The following RPS6KC1 variants were observed in gnomAD, a reference collection of about 807,000 sequenced individuals.
RPS6KC1 encodes ribosomal protein S6 kinase C1, also known as inactive ribosomal protein S6 kinase delta-1.
A neutral mutation model predicts 103.8 loss-of-function variants in RPS6KC1; 54 were observed. The ratio of observed to expected loss-of-function variants is 0.52; its 90% CI spans 0.42 to 0.65. The LOEUF (loss-of-function observed/expected upper bound fraction) is 0.65. Ranked by LOEUF, RPS6KC1 falls within the 30% of genes least tolerant of loss-of-function variation. RPS6KC1 has a pLI of 0.00. For missense variants in RPS6KC1, 1,151 were observed against 1,253.8 expected (o/e 0.92, Z 1.24); for synonymous variants, 439 against 438.7 (o/e 1.00, Z -0.01).
chr1:213,860,085 A>C, the RPS6KC1 span, among the ~76,000 whole-genome samples: 1 of 151,566 alleles, frequency 6.6e-6, no homozygotes, highest in Non-Finnish European at 1.5e-5. Context: ...CATAGAAAAA[A>C]GGTGTAAATA....
intron 2 of RPS6KC1, among the ~76,000 whole-genome samples, chr1:213,076,924 C>T (rs2079398544): frequency 6.6e-6 from 1 of 151,292 alleles, no homozygotes; most frequent in Non-Finnish European, 1.5e-5. Context: ...GGCTGGAGTG[C>T]AGTGGCACTG....
chr1:213,539,433 T>C, the RPS6KC1 span, among the ~76,000 whole-genome samples: 3 of 152,234 alleles, frequency 2.0e-5, no homozygotes, highest in South Asian at 6.2e-4. Context: ...GCAGTTTCTT[T>C]TTCATGAGCC....
the RPS6KC1 span, among the ~76,000 whole-genome samples, chr1:213,611,538 G>A: frequency 6.6e-6 from 1 of 152,134 alleles, no homozygotes; most frequent in Non-Finnish European, 1.5e-5. Context: ...AATGACAATA[G>A]GTGTTATCCA....
At chr1:213,602,116 CTTTCTCTTTCTTTCTTT>C in the RPS6KC1 span, among the ~76,000 whole-genome samples, 1 of 33,074 alleles carries the variant, frequency 3.0e-5, no homozygotes, top group Non-Finnish European at 5.6e-5. Flanking sequence ...TTCTTTCTTT[CTTTCTCTTTCTTTCTTT>C]CTTTCTTTCT....
At position 213,207,069 on chromosome 1, in the gene RPS6KC1, A is replaced by G. The variant is rs61045998; in HGVS notation, c.1045-23428A>G. Among the ~76,000 whole-genome samples the G allele has an allele frequency of 2.3e-3, 355 of 152,310 alleles. 2 individuals carry two copies. Among genetic ancestry groups the G allele is most frequent in the African/African-American group, 7.8e-3 (324 of 41,562 alleles). On this transcript the variant is annotated intron_variant, in intron 8 of 14. Transcript: ENST00000366960. ...GGTTGCAGTGAGCTGAGGTCACAACACTGCAATCCAGCCTGGGCATCAGAG... is the reference window on the plus strand; with the variant it reads ...GGTTGCAGTGAGCTGAGGTCACAACGCTGCAATCCAGCCTGGGCATCAGAG...
chr1:213,663,560 G>A, the RPS6KC1 span, among the ~76,000 whole-genome samples: 11 of 152,250 alleles, frequency 7.2e-5, no homozygotes, highest in African/African-American at 2.6e-4. Context: ...ATTTGCTAGG[G>A]CCACTGCAAA....
At chr1:213,275,267 T>C (rs1416080665), downstream of RPS6KC1, among the ~76,000 whole-genome samples, 1 of 152,244 alleles carries the variant, frequency 6.6e-6, no homozygotes, top group Non-Finnish European at 1.5e-5. Flanking sequence ...ATTATGAATA[T>C]TGATGTACAG....
At chr1:213,707,428 T>A in the RPS6KC1 span, among the ~76,000 whole-genome samples, 1 of 152,312 alleles carries the variant, frequency 6.6e-6, no homozygotes, top group Non-Finnish European at 1.5e-5. Context: ...TTTAAATTCC[T>A]TGTAGATTCT....
chr1:213,241,262 AG>A lies in RPS6KC1; in HGVS notation c.1787del (p.Ser596ThrfsTer8). On this transcript the variant is annotated frameshift_variant, in exon 11 of 15. Coordinates refer to ENST00000366960, the MANE Select transcript of RPS6KC1 (RefSeq NM_012424.6). LOFTEE classifies it high-confidence loss of function. ...AGATTCCCTCAGTAGATCAAAAAAT[AG>A]CCCCATGGAATTCTTTAGGATAGAC... The part of the protein sequence containing the change: ...TSDSLSRSKN[S>X]PMEFFRIDSK... The A allele has an allele frequency of 6.2e-7, 1 of 1,613,956 alleles. No individual in the cohort carries two copies.
the RPS6KC1 span, among the ~76,000 whole-genome samples, chr1:213,804,307 C>G: frequency 1.3e-5 from 2 of 151,918 alleles, no homozygotes; most frequent in East Asian, 3.9e-4. Context: ...GGTCAGAGGA[C>G]CTTCCAATCT....
At chr1:213,431,065 T>C in the RPS6KC1 span, among the ~76,000 whole-genome samples, 1 of 152,298 alleles carries the variant, frequency 6.6e-6, no homozygotes, top group African/African-American at 2.4e-5. Context: ...AAATTAGGTG[T>C]AAAGCCAGGA....
At chr1:213,279,216 T>C (rs989230715), downstream of RPS6KC1, among the ~76,000 whole-genome samples, 1 of 152,146 alleles carries the variant, frequency 6.6e-6, no homozygotes, top group East Asian at 1.9e-4. Flanking sequence ...GAAAGCAGTT[T>C]GGAGTTATTG....
chr1:213,244,858 G>A (rs1195050784), intron 12 of RPS6KC1, among the ~76,000 whole-genome samples: 1 of 152,198 alleles, frequency 6.6e-6, no homozygotes, highest in East Asian at 1.9e-4. Flanking sequence ...GTAGTCTGAA[G>A]AGGTGCTTTG....
intron 3 of RPS6KC1, among the ~76,000 whole-genome samples, chr1:213,096,880 T>C (rs1189643218): frequency 6.6e-6 from 1 of 152,176 alleles, no homozygotes; most frequent in Non-Finnish European, 1.5e-5. Context: ...AAGTGGCTTA[T>C]ATATATTATA....
At chr1:213,776,869 T>C in the RPS6KC1 span, among the ~76,000 whole-genome samples, 45 of 152,298 alleles carry the variant, frequency 3.0e-4, no homozygotes, top group African/African-American at 1.1e-3. Context: ...CTTGCTGTAG[T>C]TTTTACATCA....
the RPS6KC1 span, among the ~76,000 whole-genome samples, chr1:213,741,108 A>C: frequency 2.0e-5 from 3 of 149,908 alleles, no homozygotes; most frequent in African/African-American, 7.3e-5. Context: ...ACATAGGGGC[A>C]TTATCTTTTT....
At chr1:213,246,274 A>C (rs762965603) in intron 12 of RPS6KC1, among the ~76,000 whole-genome samples, 2 of 152,182 alleles carry the variant, frequency 1.3e-5, no homozygotes, top group African/African-American at 4.8e-5. Context: ...GGTTCCTTTC[A>C]TACCACAGAA....
chr1:213,174,641 G>A (rs1254391348), intron 7 of RPS6KC1, among the ~76,000 whole-genome samples: 1 of 138,890 alleles, frequency 7.2e-6, no homozygotes, highest in Non-Finnish European at 1.5e-5. Context: ...CTGCACTCCA[G>A]CCTGGGCGAC....
intron 8 of RPS6KC1, among the ~76,000 whole-genome samples, chr1:213,182,993 G>A (rs1017969611): frequency 5.3e-5 from 8 of 150,988 alleles, no homozygotes; most frequent in African/African-American, 1.9e-4. Flanking sequence ...GAAATGACAT[G>A]TCATGCAAAC....
Sources: allele counts gnomAD v4.1 joint callset (sites outside exome capture counted in the v4.1 genomes callset), GRCh38; gene constraint gnomAD v4.1.1; transcripts MANE v1.5; gene names NCBI Gene and HGNC (gene_info 2026-07-23, HGNC 2026-07-21).